The following ERBB4 variants were observed in gnomAD, a reference collection of about 807,000 sequenced individuals.
The protein encoded by ERBB4 is receptor tyrosine-protein kinase erbB-4.
A neutral mutation model predicts 158.0 loss-of-function variants in ERBB4; 42 were observed. That is an observed-to-expected ratio of 0.27 (90% CI 0.21 to 0.34). ERBB4 has a LOEUF of 0.34. Ranked by LOEUF, ERBB4 falls within the 10% of genes least tolerant of loss-of-function variation. The probability of loss-of-function intolerance (pLI) is 1.00; values close to 1 mark genes in which losing one functional copy is unlikely to be tolerated. For missense variants in ERBB4, 1,333 were observed against 1,624.1 expected, an observed-to-expected ratio of 0.82 and a Z score of 3.08; for synonymous variants, 583 against 558.7, an observed-to-expected ratio of 1.04 and a Z score of -0.61.
At chr2:211,929,362 A>G (rs1272214564) in intron 3 of ERBB4, among the ~76,000 whole-genome samples, 1 of 152,124 alleles carries the variant, frequency 6.6e-6, no homozygotes, top group Non-Finnish European at 1.5e-5. Context: ...TTCAAAAGAA[A>G]TATGTATGTT....
intron 3 of ERBB4, among the ~76,000 whole-genome samples, chr2:211,885,222 G>C (rs2078766604): frequency 1.3e-5 from 2 of 152,086 alleles, no homozygotes; most frequent in Admixed American, 6.5e-5. Flanking sequence ...GTTATGACAA[G>C]TGTATAAAAA....
intron 19 of ERBB4, among the ~76,000 whole-genome samples, chr2:211,588,707 C>T (rs1229785929): frequency 6.6e-6 from 1 of 152,032 alleles, no homozygotes; most frequent in Non-Finnish European, 1.5e-5. Flanking sequence ...GAAATTCTAA[C>T]CTGGCATTTT....
intron 3 of ERBB4, among the ~76,000 whole-genome samples, chr2:211,939,966 A>AAAAAAAAATATAT: frequency 7.3e-6 from 1 of 137,386 alleles, no homozygotes; most frequent in South Asian, 2.2e-4. Context: ...GGAAAAAAAA[A>AAAAAAAAATATAT]ATATATATAT....
At chr2:212,121,001 A>T (rs1388435780) in intron 2 of ERBB4, among the ~76,000 whole-genome samples, 1 of 152,208 alleles carries the variant, frequency 6.6e-6, no homozygotes, top group East Asian at 1.9e-4. Context: ...TAAGAGCACA[A>T]ATAAGCCATA....
At chr2:211,772,838 C>CATATATATATATAT in intron 4 of ERBB4, among the ~76,000 whole-genome samples, 1 of 18,304 alleles carries the variant, frequency 5.5e-5, no homozygotes, top group Non-Finnish European at 1.0e-4. Context: ...TATATATACA[C>CATATATATATATAT]ATATATATAT....
intron 2 of ERBB4, among the ~76,000 whole-genome samples, chr2:212,091,096 T>C (rs964602708): frequency 1.3e-5 from 2 of 151,846 alleles, no homozygotes; most frequent in African/African-American, 2.4e-5. Flanking sequence ...ACTTTCTGTA[T>C]ACAAAATGTG....
intron 19 of ERBB4, among the ~76,000 whole-genome samples, chr2:211,598,052 T>C (rs1559335577): frequency 6.6e-6 from 1 of 152,242 alleles, no homozygotes; most frequent in East Asian, 1.9e-4. Context: ...ACATGCTTGG[T>C]GGCCTCTAAG....
At chr2:211,420,093 G>A (rs1426292888) in intron 25 of ERBB4, among the ~76,000 whole-genome samples, 2 of 151,994 alleles carry the variant, frequency 1.3e-5, no homozygotes, top group African/African-American at 4.8e-5. Flanking sequence ...AAAGTAGAAA[G>A]CCTACTTGGT....
intron 1 of ERBB4, among the ~76,000 whole-genome samples, chr2:212,306,598 C>G (rs903552271): frequency 1.3e-5 from 2 of 151,424 alleles, no homozygotes; most frequent in African/African-American, 4.8e-5. Flanking sequence ...TCATCAAATT[C>G]ACATTTCTTC....
chr2:211,753,279 GA>G (rs34015788), intron 4 of ERBB4, among the ~76,000 whole-genome samples: 25 of 147,708 alleles, frequency 1.7e-4, no homozygotes, highest in South Asian at 8.6e-4. Context: ...GCCTAGCATA[GA>G]AAAAAAAAAA....
At chr2:211,822,102 T>C (rs1362612291) in intron 3 of ERBB4, among the ~76,000 whole-genome samples, 2 of 151,766 alleles carry the variant, frequency 1.3e-5, no homozygotes, top group African/African-American at 4.8e-5. Flanking sequence ...AAATTTGATC[T>C]CTTAGAAGTA....
At chr2:211,441,595 G>A (rs2063977645) in intron 20 of ERBB4, among the ~76,000 whole-genome samples, 2 of 152,076 alleles carry the variant, frequency 1.3e-5, no homozygotes, top group East Asian at 3.9e-4. Context: ...ATCTGCAGTT[G>A]TTGAACCCAC....
rs867625097 is a variant in ERBB4 at position 211,580,813 on chromosome 2, A to T, written c.2302-18725T>A. On this transcript the variant is annotated intron_variant, in intron 19 of 27. Transcript: ENST00000342788. Reference sequence around the variant, plus strand: ...ATATATATATATATATATATATATAATATATATATATTATATATATAGATT... The same window carrying T: ...ATATATATATATATATATATATATATTATATATATATTATATATATAGATT... 9.0e-4 allele frequency among the ~76,000 whole-genome samples: 33 copies of T among 36,496 alleles called. 1 individual carries two copies. Among genetic ancestry groups the T allele is most frequent in the East Asian group, 5.3e-3 (8 of 1,520 alleles). The allele number at this position is 36,496 out of a possible 152,430, so 23.9% of individuals were successfully genotyped here.
intron 1 of ERBB4, among the ~76,000 whole-genome samples, chr2:212,332,985 T>C (rs187630334): frequency 6.6e-6 from 1 of 152,098 alleles, no homozygotes; most frequent in East Asian, 1.9e-4. Context: ...ATAGTAATGA[T>C]CAGAAATGGA....
intron 3 of ERBB4, among the ~76,000 whole-genome samples, chr2:211,853,891 C>T (rs2077782617): frequency 6.6e-6 from 1 of 152,020 alleles, no homozygotes; most frequent in African/African-American, 2.4e-5. Flanking sequence ...GAGTCATCAC[C>T]AGATGCCACT....
intron 1 of ERBB4, among the ~76,000 whole-genome samples, chr2:212,431,335 C>T (rs1387760006): frequency 2.4e-5 from 3 of 123,358 alleles, no homozygotes; most frequent in Admixed American, 8.0e-5. Context: ...AAAAAACCTT[C>T]GTAACTATTT....
intron 1 of ERBB4, among the ~76,000 whole-genome samples, chr2:212,447,908 C>A (rs931399944): frequency 2.0e-5 from 3 of 151,782 alleles, no homozygotes; most frequent in Middle Eastern, 3.2e-3. Flanking sequence ...TTAGCTGAGA[C>A]CTTTCACAAA....
rs141525649 is a variant in ERBB4 at position 212,320,488 on chromosome 2, C to G, written c.83-195585G>C. Among the ~76,000 whole-genome samples, 803 of 133,406 alleles carry G rather than the reference C, an allele frequency of 6.0e-3. 14 individuals are homozygous for G. The highest frequency in any genetic ancestry group is 0.019 in the African/African-American group (713 of 37,546). The allele number at this position is 133,406 out of a possible 152,430, so 87.5% of individuals were successfully genotyped here. A position where few individuals can be genotyped will look rare whatever the true frequency, so the allele number is the denominator to read the frequency against. On this transcript the variant is annotated intron_variant, in intron 1 of 27. Coordinates refer to ENST00000342788, the MANE Select transcript of ERBB4 (RefSeq NM_005235.3). The stretch of plus-strand genomic sequence containing the variant: ...ACTATAGATTTTCTCACTAACAGGA[C>G]TAAAGGAAAATGTATTTACATGACA...
chr2:211,956,301 TTAGATA>T (rs926872234), intron 2 of ERBB4, among the ~76,000 whole-genome samples: 14 of 152,042 alleles, frequency 9.2e-5, no homozygotes, highest in African/African-American at 3.4e-4. Flanking sequence ...TAAACTTTGT[TTAGATA>T]TAGATAGAGC....
Sources: gnomAD v4.1 joint callset for allele counts (sites outside exome capture counted in the v4.1 genomes callset) on GRCh38, gnomAD v4.1.1 for gene constraint, MANE v1.5 for transcripts, NCBI Gene and HGNC (gene_info 2026-07-23, HGNC 2026-07-21) for gene names.